The following ABCB1 variants were observed in gnomAD, a reference collection of about 807,000 sequenced individuals.
ABCB1 encodes ATP binding cassette subfamily B member 1.
Under a neutral mutation model 142.0 loss-of-function variants are expected in ABCB1, and 69 were observed. That is an observed-to-expected ratio of 0.49 (90% CI 0.40 to 0.59). The LOEUF is 0.59. Among genes scored for constraint, ABCB1 ranks in the 20% least tolerant of loss-of-function variants. The probability of loss-of-function intolerance (pLI) is 0.00; values close to 1 mark genes in which losing one functional copy is unlikely to be tolerated. For missense variants in ABCB1, 1,326 were observed against 1,554.7 expected (o/e 0.85, Z 2.47); for synonymous variants, 532 against 539.2 (o/e 0.99, Z 0.18).
chr7:87,699,658 G>A (rs1585135837), intron 1 of ABCB1, among the ~76,000 whole-genome samples: 3 of 152,256 alleles, frequency 2.0e-5, no homozygotes, highest in Admixed American at 2.0e-4. Context: ...CACCCACCTT[G>A]GCCTTCCAAA....
intron 1 of ABCB1, among the ~76,000 whole-genome samples, chr7:87,622,477 T>C (rs1055211947): frequency 2.6e-5 from 4 of 152,276 alleles, no homozygotes; most frequent in Middle Eastern, 3.4e-3. Flanking sequence ...AGGATGTAAA[T>C]TGGTAAAACA....
At chr7:87,588,813 T>C (rs1367514985) in intron 3 of ABCB1, among the ~76,000 whole-genome samples, 1 of 152,238 alleles carries the variant, frequency 6.6e-6, no homozygotes, top group Non-Finnish European at 1.5e-5. Context: ...TGCCAGCATC[T>C]GTTATTTTTT....
intron 7 of ABCB1, among the ~76,000 whole-genome samples, chr7:87,562,745 A>C (rs574409502): frequency 6.7e-6 from 1 of 150,026 alleles, no homozygotes; most frequent in South Asian, 2.1e-4. Flanking sequence ...GTTTTTCAGG[A>C]GATCATGTCT....
intron 1 of ABCB1, among the ~76,000 whole-genome samples, chr7:87,612,654 G>C (rs550219407): frequency 1.3e-5 from 2 of 152,198 alleles, no homozygotes; most frequent in African/African-American, 4.8e-5. Flanking sequence ...TGCTGTTTTG[G>C]TTACTATAAT....
At chr7:87,636,548 T>C (rs1248536067) in intron 1 of ABCB1, among the ~76,000 whole-genome samples, 2 of 152,346 alleles carry the variant, frequency 1.3e-5, no homozygotes, top group African/African-American at 4.8e-5. Context: ...TTTTGATGAA[T>C]AGAAATTTCT....
intron 4 of ABCB1, among the ~76,000 whole-genome samples, chr7:87,580,351 C>T (rs898378032): frequency 1.3e-5 from 2 of 152,112 alleles, no homozygotes; most frequent in African/African-American, 4.8e-5. Flanking sequence ...GTTTTTCTTT[C>T]AGCACTTTAA....
At chr7:87,667,354 T>A (rs758696172) in intron 1 of ABCB1, among the ~76,000 whole-genome samples, 5 of 152,072 alleles carry the variant, frequency 3.3e-5, no homozygotes, top group Non-Finnish European at 5.9e-5. Flanking sequence ...GCAACTTTGC[T>A]GGAGTTGTTT....
intron 1 of ABCB1, among the ~76,000 whole-genome samples, chr7:87,655,260 A>G (rs1370842978): frequency 6.6e-6 from 1 of 152,182 alleles, no homozygotes; most frequent in East Asian, 1.9e-4. Context: ...TCGAAGAGTT[A>G]TCTCTACTCC....
chr7:87,576,032 TTATG>T (rs1254204229), intron 4 of ABCB1, among the ~76,000 whole-genome samples: 1 of 152,146 alleles, frequency 6.6e-6, no homozygotes, highest in Non-Finnish European at 1.5e-5. Context: ...TGTCTATAAA[TTATG>T]GGTTCAGGCT....
chr7:87,569,541 G>T (rs1056152592), intron 5 of ABCB1, among the ~76,000 whole-genome samples: 2 of 151,776 alleles, frequency 1.3e-5, no homozygotes, highest in Admixed American at 1.3e-4. Flanking sequence ...ATTTTTTCTG[G>T]GATGTTTTAT....
At chr7:87,652,888 C>A (rs142024281) in intron 1 of ABCB1, among the ~76,000 whole-genome samples, 1 of 151,640 alleles carries the variant, frequency 6.6e-6, no homozygotes, top group African/African-American at 2.4e-5. Context: ...TATAACTTTG[C>A]GTGTTTCTAA....
chr7:87,694,075 A>G, intron 1 of ABCB1: 2 of 1,525,006 alleles, frequency 1.3e-6, no homozygotes, highest in Non-Finnish European at 8.7e-7. Flanking sequence ...TGGGTTTTGT[A>G]AAGCCTTCTT....
chr7:87,535,576 T>C (rs10234411), intron 20 of ABCB1, among the ~76,000 whole-genome samples: 1 of 151,950 alleles, frequency 6.6e-6, no homozygotes, highest in East Asian at 1.9e-4. Flanking sequence ...CAACAATTAC[T>C]AAGAGGAGCT....
chr7:87,595,138 G>C (rs1024591051), intron 3 of ABCB1, among the ~76,000 whole-genome samples: 4 of 152,046 alleles, frequency 2.6e-5, no homozygotes, highest in African/African-American at 4.8e-5. Flanking sequence ...CTGATTCCAA[G>C]TGTGATTAAA....
intron 1 of ABCB1, among the ~76,000 whole-genome samples, chr7:87,647,137 G>A (rs80238698): frequency 0.02 from 3,054 of 152,118 alleles, 44 homozygotes; most frequent in Middle Eastern, 0.034. Context: ...TATCATTCTC[G>A]TTTCATAGGA....
chr7:87,597,078 G>A (rs1819238830), intron 2 of ABCB1, among the ~76,000 whole-genome samples: 1 of 152,050 alleles, frequency 6.6e-6, no homozygotes, highest in Non-Finnish European at 1.5e-5. Flanking sequence ...ACGTAGAAGA[G>A]TGAGAAGAGT....
At chr7:87,626,373 A>G (rs565233108) in intron 1 of ABCB1, among the ~76,000 whole-genome samples, 2 of 27,984 alleles carry the variant, frequency 7.1e-5, no homozygotes, top group African/African-American at 8.1e-4. Flanking sequence ...TATATGTGTC[A>G]TATGTATGTG....
At chr7:87,578,292 T>C (rs1005106495) in intron 4 of ABCB1, among the ~76,000 whole-genome samples, 1 of 152,166 alleles carries the variant, frequency 6.6e-6, no homozygotes, top group Non-Finnish European at 1.5e-5. Context: ...TCTCTTTTCT[T>C]TGTACCATGG....
rs564902203 is a variant in ABCB1 at position 87,626,477 on chromosome 7, A to G, written c.-330-25399T>C. On this transcript the variant is annotated intron_variant, in intron 1 of 28. Transcript: ENST00000265724. ...TATATGTGTCATATATGTGTCATAT[A>G]TATGTGTCATATATATGTGTCATAT... 5.6e-4 allele frequency among the ~76,000 whole-genome samples: 8 copies of G among 14,218 alleles called. 2 individuals are homozygous for G. The highest frequency in any genetic ancestry group is 2.1e-3 in the Admixed American group (2 of 972). 9.3% of individuals were successfully genotyped at this position (14,218 alleles called of 152,430 possible). A position where few individuals can be genotyped will look rare whatever the true frequency, so the allele number is the denominator to read the frequency against.
Sources: gnomAD v4.1 joint callset for allele counts (sites outside exome capture counted in the v4.1 genomes callset) on GRCh38, gnomAD v4.1.1 for gene constraint, MANE v1.5 for transcripts, NCBI Gene and HGNC (gene_info 2026-07-23, HGNC 2026-07-21) for gene names.